SCN1B: variants seen among roughly 807,000 people sequenced by gnomAD.
SCN1B encodes the protein sodium voltage-gated channel beta subunit 1.
SCN1B carries 11 observed loss-of-function variants against 25.7 expected under a neutral mutation model. The ratio of observed to expected loss-of-function variants is 0.43; its 90% CI spans 0.27 to 0.71. The LOEUF (loss-of-function observed/expected upper bound fraction) is 0.71. SCN1B is among the 30% of genes least tolerant of loss of function. SCN1B has a pLI of 0.21. For synonymous variants in SCN1B, 119 were observed against 117.5 expected (o/e 1.01, Z -0.08); for missense variants, 224 against 291.5 (o/e 0.77, Z 1.69).
rs543333578 is a variant in SCN1B, at chr19:35,040,396, C to T, written c.*605C>T. 1.9e-5 allele frequency: 3 copies of T among 154,348 alleles called. No homozygotes were observed. The highest frequency in any genetic ancestry group is 7.2e-5 in the African/African-American group (3 of 41,602). The allele number at this position is 154,348 out of a possible 1,614,324, so 9.6% of individuals were successfully genotyped here. A position where few individuals can be genotyped will look rare whatever the true frequency, so the allele number is the denominator to read the frequency against. ...CCACCTAGAAAGGGGCCCATTCAGCCTCGTCTCTTTACAGAAGTAGTTTTG... is the reference window on the plus strand; with the variant it reads ...CCACCTAGAAAGGGGCCCATTCAGCTTCGTCTCTTTACAGAAGTAGTTTTG... On this transcript the variant is annotated 3_prime_UTR_variant, in exon 6 of 6. Transcript: ENST00000262631.
At position 35,039,654 on chromosome 19, in the gene SCN1B, A is replaced by C; in HGVS notation, c.610A>C (p.Thr204Pro). Residue 204 changes from threonine to proline, a missense_variant, in exon 5 of 6, where the codon ACC becomes CCC. Thr to Pro is a conservative substitution (Grantham distance 38). Transcript: ENST00000262631. ...CCACAGCTCGGAATACCTGGCCATC[A>C]CCTCTGAAAGCAAAGAGAACTGCAC... is the stretch of plus-strand genomic sequence containing the variant. ...QENASEYLAI[T>P]SESKENCTGV... The C allele has an allele frequency of 6.2e-7, 1 of 1,614,052 alleles. No homozygotes were observed. Among genetic ancestry groups the C allele is most frequent in the African/African-American group, 1.3e-5 (1 of 75,006 alleles).
chr19:35,030,905 C>A, intron 1 of SCN1B, 45 bp downstream of exon 1: 1 of 365,210 alleles, frequency 2.7e-6, no homozygotes, highest in Non-Finnish European at 4.1e-6. Flanking sequence ...ACCGCGGGGG[C>A]ACTGGCGGGG....
intron 3 of SCN1B, chr19:35,035,380 C>G (rs2064241646): frequency 1.3e-5 from 2 of 151,986 alleles, no homozygotes; most frequent in South Asian, 4.1e-4. Context: ...ACCTCTGCCT[C>G]CCAGGTTCAA....
chr19:35,039,369 A>C, intron 4 of SCN1B, 111 bp downstream of exon 4: 1 of 1,458,578 alleles, frequency 6.9e-7, no homozygotes, highest in Admixed American at 1.7e-5. Flanking sequence ...CCAGGGCGCC[A>C]TCTCTCAGTA....
At chr19:35,033,477 TC>T in intron 2 of SCN1B, 21 bp from the exon 3 acceptor site, 1 of 1,613,004 alleles carries the variant, frequency 6.2e-7, no homozygotes, top group South Asian at 1.1e-5. Context: ...AGTGACACCT[TC>T]CCCTCCCTGG....
At position 35,039,737 on chromosome 19, in the gene SCN1B, G is replaced by A. The variant is rs28365108; in HGVS notation, c.*5+31G>A. On this transcript the variant is annotated intron_variant, in intron 5 of 5. Transcript: ENST00000262631. ...GCGGATGGGCTGGCAGAGGGGAAGG[G>A]GATTGGGAGGGGCCGAAGTCCCCCA... is the stretch of plus-strand genomic sequence containing the variant. 4,961 of 1,608,406 alleles carry A rather than the reference G, an allele frequency of 3.1e-3. 51 individuals are homozygous for A. The Middle Eastern group carries it at 0.035, about 11-fold the overall frequency.
chr19:35,036,339 A>G (rs1269547225), intron 3 of SCN1B: 1 of 152,118 alleles, frequency 6.6e-6, no homozygotes, highest in South Asian at 2.1e-4. Flanking sequence ...TACCTCTGAT[A>G]CTACAGTATT....
chr19:35,038,583 G>A (rs3761069), intron 3 of SCN1B: 24,484 of 190,708 alleles, frequency 0.13, 1,901 homozygotes, highest in Middle Eastern at 0.25. Flanking sequence ...TTGAACCCTG[G>A]CAGTCTGGCC....
chr19:35,030,732 C>A lies in SCN1B; in HGVS notation c.-89C>A. ...TGCTGCGCCCGCGCGCTCCCGGGGA[C>A]ATTCTAACCGCCGCCAGGTCCCGCC... On this transcript the variant is annotated 5_prime_UTR_variant, in exon 1 of 6. Transcript: ENST00000262631. 1 of 414,164 alleles carries A rather than the reference C, an allele frequency of 2.4e-6. No homozygotes were observed. The highest frequency in any genetic ancestry group is 4.4e-6 in the Non-Finnish European group (1 of 227,702). 25.7% of individuals were successfully genotyped at this position (414,164 alleles called of 1,614,324 possible). A position where few individuals can be genotyped will look rare whatever the true frequency, so the allele number is the denominator to read the frequency against.
intron 3 of SCN1B, chr19:35,038,330 G>A (rs1389331676): frequency 1.3e-5 from 2 of 152,212 alleles, no homozygotes; most frequent in Non-Finnish European, 2.9e-5. Flanking sequence ...TTAGGCTCAA[G>A]GAGAAGAAGC....
Position 35,032,337 on chromosome 19 carries a change from CAA to C in SCN1B, c.41-190_41-189del, listed in dbSNP as rs970395261. 6.6e-5 allele frequency among the ~76,000 whole-genome samples: 10 copies of C among 152,208 alleles called. No individual in the cohort carries two copies. The highest frequency in any genetic ancestry group is 2.4e-4 in the African/African-American group (10 of 41,448). On this transcript the variant is annotated intron_variant, in intron 1 of 5. Coordinates refer to ENST00000262631, the MANE Select transcript of SCN1B (RefSeq NM_001037.5). This position sits in a 1 kb window ranked among gnomAD's most constrained non-coding sequence, Gnocchi z 4.3. ...GGAAGCAAAGGACCATTTCTTTCAA[CAA>C]GAGAGAGGGAAACTGAGACTCAGGG...
chr19:35,031,006 T>G, intron 1 of SCN1B, 146 bp downstream of exon 1: 6 of 165,340 alleles, frequency 3.6e-5, no homozygotes, highest in Non-Finnish European at 3.8e-5. Context: ...TCAGAAGTTG[T>G]GCGCGCGGGA....
At position 35,032,816 on chromosome 19, in the gene SCN1B, C is replaced by A; in HGVS notation, c.207+122C>A. The A allele has an allele frequency of 8.2e-7, 1 of 1,212,342 alleles. No homozygotes were observed. The allele number at this position is 1,212,342 out of a possible 1,614,324, so 75.1% of individuals were successfully genotyped here. A position where few individuals can be genotyped will look rare whatever the true frequency, so the allele number is the denominator to read the frequency against. ...TATGCTGTGATTGCTGACCTGGATTCAGATTCTGGCTCCACCAGTGGCCAG... is the reference window on the plus strand; with the variant it reads ...TATGCTGTGATTGCTGACCTGGATTAAGATTCTGGCTCCACCAGTGGCCAG... On this transcript the variant is annotated intron_variant, in intron 2 of 5. Coordinates refer to ENST00000262631, the MANE Select transcript of SCN1B (RefSeq NM_001037.5). The surrounding 1 kb of genome is among the most constrained non-coding windows in gnomAD (Gnocchi z 4.3).
At position 35,033,842 on chromosome 19, in the gene SCN1B, C is replaced by T. The variant is rs372041274; in HGVS notation, c.448+103C>T. Reference sequence around the variant, plus strand: ...AGGACAGGCTGGCTCTGTGCCTGGCCAGCCAACCGCCCACAGCAGCGGGCT... The same window carrying T: ...AGGACAGGCTGGCTCTGTGCCTGGCTAGCCAACCGCCCACAGCAGCGGGCT... On this transcript the variant is annotated intron_variant, in intron 3 of 5. Coordinates refer to ENST00000262631, the MANE Select transcript of SCN1B (RefSeq NM_001037.5). 34 of 1,611,866 alleles carry T rather than the reference C, an allele frequency of 2.1e-5. No individual in the cohort carries two copies. The South Asian group carries it at 2.6e-4, about 12-fold the overall frequency.
Position 35,033,179 on chromosome 19 carries a change from T to C in SCN1B, c.208-320T>C, listed in dbSNP as rs56158208. ...GCTGCTGGAATCAGGCTGCCCTGTC[T>C]CTGCTGGAGGAGTGTGTCTGGTGGC... On this transcript the variant is annotated intron_variant, in intron 2 of 5. Transcript: ENST00000262631. 0.02 allele frequency among the ~76,000 whole-genome samples: 3,080 copies of C among 152,210 alleles called. 102 individuals are homozygous for C. Among genetic ancestry groups the C allele is most frequent in the African/African-American group, 0.071 (2,945 of 41,496 alleles).
At position 35,032,519 on chromosome 19, in the gene SCN1B, TC is replaced by T; in HGVS notation, c.41-5del. ...GCCTCTGCCTGACCTGAGCCTGCTG[TC>T]CCCACAGTGTCCTCAGCCTGCGGGG... On this transcript the variant is annotated splice_region_variant and splice_polypyrimidine_tract_variant and intron_variant, in intron 1 of 5. Coordinates refer to ENST00000262631, the MANE Select transcript of SCN1B (RefSeq NM_001037.5). The surrounding 1 kb of genome is among the most constrained non-coding windows in gnomAD (Gnocchi z 4.3). 1 of 1,613,436 alleles carries T rather than the reference TC, an allele frequency of 6.2e-7. No homozygotes were observed.
rs1293015271 is a variant in SCN1B at position 35,032,629 on chromosome 19, G to A, written c.142G>A (p.Glu48Lys). 2 of 1,614,142 alleles carry A rather than the reference G, an allele frequency of 1.2e-6. No individual in the cohort carries two copies. Among genetic ancestry groups the A allele is most frequent in the Non-Finnish European group, 1.7e-6 (2 of 1,180,044 alleles). ...ILCISCKRRS[E>K]TNAETFTEWT... ...TTGCATCTCCTGCAAGCGCCGCAGC[G>A]AGACCAACGCTGAGACCTTCACCGA... is the stretch of plus-strand genomic sequence containing the variant. Residue 48 changes from glutamate to lysine, a missense_variant, in exon 2 of 6, where the codon GAG becomes AAG. This residue lies in a region of SCN1B where 126 missense variants were observed against 204.9 expected (regional missense o/e 0.61). Transcript: ENST00000262631. This position sits in a 1 kb window ranked among gnomAD's most constrained non-coding sequence, Gnocchi z 4.3.
At position 35,033,491 on chromosome 19, in the gene SCN1B, A is replaced by C; in HGVS notation, c.208-8A>C. On this transcript the variant is annotated splice_region_variant and splice_polypyrimidine_tract_variant and intron_variant, in intron 2 of 5. Coordinates refer to ENST00000262631, the MANE Select transcript of SCN1B (RefSeq NM_001037.5). ...CAGTGACACCTTCCCCTCCCTGGCT[A>C]CCCCTAGATCCTGCGCTATGAGAAT... The C allele has an allele frequency of 6.2e-7, 1 of 1,613,308 alleles. No individual in the cohort carries two copies. Among genetic ancestry groups the C allele is most frequent in the East Asian group, 2.2e-5 (1 of 44,844 alleles).
chr19:35,033,939 T>C (rs1438090806), intron 3 of SCN1B, 200 bp downstream of exon 3: 1 of 1,556,806 alleles, frequency 6.4e-7, no homozygotes, highest in Admixed American at 2.0e-5. Context: ...CACGGAGAGG[T>C]CAAAGCATGC....
Sources: allele counts gnomAD v4.1 joint callset (sites outside exome capture counted in the v4.1 genomes callset), GRCh38; gene constraint gnomAD v4.1.1; regional missense constraint gnomAD v4.1.1; non-coding constraint Gnocchi (gnomAD v3.1); transcripts MANE v1.5; gene names NCBI Gene and HGNC (gene_info 2026-07-23, HGNC 2026-07-21).